SYPL2: variants seen among roughly 807,000 people sequenced by gnomAD.
SYPL2 encodes the protein synaptophysin like 2.
In SYPL2, 24 loss-of-function variants were observed where a neutral mutation model predicts 31.3. That is an observed-to-expected ratio of 0.77 (90% confidence interval 0.56 to 1.08). The LOEUF is 1.08. SYPL2 is among the 50% of genes least tolerant of loss of function. The pLI, the probability that SYPL2 is intolerant of heterozygous loss-of-function variation, is 0.00. For missense variants in SYPL2, 342 were observed against 360.1 expected (o/e 0.95, Z 0.41); for synonymous variants, 144 against 143.1 (o/e 1.01, Z -0.05).
In SYPL2 at chr1:109,477,952, G is replaced by A; in HGVS notation, c.591G>A (p.Glu197=). ...CAGCCATGTCAGTGTGCCATGGAGAGGAAGCAGTGTGCAGTGCCGGGGCCA... is the reference window on the plus strand; with the variant it reads ...CAGCCATGTCAGTGTGCCATGGAGAAGAAGCAGTGTGCAGTGCCGGGGCCA... ...LTAAMSVCHG[E]EAVCSAGATP... Residue 197 remains glutamate, a synonymous_variant, in exon 5 of 6, where the codon GAG becomes GAA. Coordinates refer to ENST00000369872, the MANE Select transcript of SYPL2 (RefSeq NM_001040709.2). 1.2e-6 allele frequency: 2 copies of A among 1,614,232 alleles called. No homozygotes were observed. Among genetic ancestry groups the A allele is most frequent in the East Asian group, 2.2e-5 (1 of 44,882 alleles).
chr1:109,467,133 G>T lies in SYPL2; in HGVS notation c.129G>T (p.Trp43Cys). 1 of 1,541,394 alleles carries T rather than the reference G, an allele frequency of 6.5e-7. No homozygotes were observed. ...TGGGCTTCATCAAAGTTCTCCAGTG[G>T]GTGAGTCGCTGCCCCGGCCCCGGGC... ...EPLGFIKVLQ[W>C]LFAIFAFGSC... The change falls in exon 2 of 6, where the codon TGG becomes TGT. Residue 43 changes from tryptophan to cysteine, a missense_variant and splice_region_variant. Coordinates refer to ENST00000369872, the MANE Select transcript of SYPL2 (RefSeq NM_001040709.2).
Position 109,477,811 on chromosome 1 carries a change from C to T in SYPL2, c.457-7C>T, listed in dbSNP as rs1557861630. 6.3e-7 allele frequency: 1 copy of T among 1,594,010 alleles called. No homozygotes were observed. The highest frequency in any genetic ancestry group is 8.6e-7 in the Non-Finnish European group (1 of 1,167,764). ...GAGTGTATTTCCCATCCCTCTGCTC[C>T]TCCCAGGACTTCTGTGTGACTGTCT... is the stretch of plus-strand genomic sequence containing the variant. On this transcript the variant is annotated splice_polypyrimidine_tract_variant and splice_region_variant and intron_variant, in intron 4 of 5. Coordinates refer to ENST00000369872, the MANE Select transcript of SYPL2 (RefSeq NM_001040709.2).
chr1:109,474,646 C>T (rs905924951), intron 2 of SYPL2, among the ~76,000 whole-genome samples: 2 of 152,064 alleles, frequency 1.3e-5, no homozygotes, highest in Non-Finnish European at 2.9e-5. Flanking sequence ...TGGCCTCTCA[C>T]CTCCTTTTCT....
In SYPL2 at chr1:109,477,931, C is replaced by G. The variant is rs372991704; in HGVS notation, c.570C>G (p.Ala190=). 40 of 1,614,212 alleles carry G rather than the reference C, an allele frequency of 2.5e-5. No individual in the cohort carries two copies. The Middle Eastern group carries it at 8.2e-4, about 33-fold the overall frequency. Residue 190 remains alanine (A), a synonymous_variant, in exon 5 of 6, where the codon GCC becomes GCG. Transcript: ENST00000369872. ...CACGACCATCCAGCTTGACAGCAGC[C>G]ATGTCAGTGTGCCATGGAGAGGAAG... The part of the protein sequence containing the change: ...GATRPSSLTA[A]MSVCHGEEAV...
chr1:109,467,950 A>G (rs564684079), intron 2 of SYPL2, among the ~76,000 whole-genome samples: 5 of 152,264 alleles, frequency 3.3e-5, no homozygotes, highest in Admixed American at 3.3e-4. Flanking sequence ...TATGCTCTAA[A>G]TAGTTTGGTG....
In SYPL2 at chr1:109,480,433, C is replaced by CTT. The variant is rs1340408415; in HGVS notation, c.*885_*886insTT. On this transcript the variant is annotated 3_prime_UTR_variant, in exon 6 of 6. Coordinates refer to ENST00000369872, the MANE Select transcript of SYPL2 (RefSeq NM_001040709.2). The stretch of plus-strand genomic sequence containing the variant: ...GTGGAGTCAGGACCTGCCTCCTAAT[C>CTT]CCCTTACTTCTCTGTCCATCTCCCT... The CTT allele has an allele frequency of 1.3e-5, 2 of 152,204 alleles. No homozygotes were observed. Among genetic ancestry groups the CTT allele is most frequent in the East Asian group, 3.9e-4 (2 of 5,178 alleles). 9.4% of individuals were successfully genotyped at this position (152,204 alleles called of 1,614,324 possible).
chr1:109,477,209 C>T (rs1173179902), intron 4 of SYPL2, among the ~76,000 whole-genome samples: 1 of 152,190 alleles, frequency 6.6e-6, no homozygotes, highest in Non-Finnish European at 1.5e-5. Flanking sequence ...TGGCCCCTTA[C>T]TTGCTGTGTG....
chr1:109,470,489 A>C (rs1414274487), intron 2 of SYPL2, among the ~76,000 whole-genome samples: 1 of 152,208 alleles, frequency 6.6e-6, no homozygotes, highest in Admixed American at 6.5e-5. Context: ...ATGCAGAAGC[A>C]AGAGGAGGCG....
chr1:109,467,110 G>T lies in SYPL2; in HGVS notation c.106G>T (p.Gly36Cys). The part of the protein sequence containing the change: ...LRWRRLEEPL[G>C]FIKVLQWLFA... ...CTGGCGGCGGCTGGAGGAGCCGCTG[G>T]GCTTCATCAAAGTTCTCCAGTGGGT... Residue 36 changes from glycine (G) to cysteine (C), a missense_variant, in exon 2 of 6, where the codon GGC (glycine) becomes TGC (cysteine). Physicochemically the swap from Gly to Cys is radical, Grantham distance 159. Coordinates refer to ENST00000369872, the MANE Select transcript of SYPL2 (RefSeq NM_001040709.2). The T allele has an allele frequency of 6.5e-7, 1 of 1,544,508 alleles. No homozygotes were observed.
At chr1:109,477,033 G>A in intron 4 of SYPL2, 56 bp downstream of exon 4, 2 of 1,601,940 alleles carry the variant, frequency 1.2e-6, no homozygotes, top group East Asian at 2.2e-5. Context: ...TTGTGAGGGG[G>A]TTGAGGTCAG....
At chr1:109,468,859 T>G (rs1655738346) in intron 2 of SYPL2, among the ~76,000 whole-genome samples, 1 of 151,586 alleles carries the variant, frequency 6.6e-6, no homozygotes, top group Non-Finnish European at 1.5e-5. Context: ...TGATGCAGTC[T>G]TGGGGTCAGC....
intron 2 of SYPL2, among the ~76,000 whole-genome samples, chr1:109,469,921 T>C (rs1655774750): frequency 6.6e-6 from 1 of 151,464 alleles, no homozygotes; most frequent in South Asian, 2.1e-4. Context: ...TCGGTTTAAA[T>C]TGAGTCCCCT....
chr1:109,474,949 T>C (rs533107483), intron 2 of SYPL2, among the ~76,000 whole-genome samples: 4 of 152,350 alleles, frequency 2.6e-5, no homozygotes, highest in African/African-American at 7.2e-5. Flanking sequence ...TAGAAGGCCA[T>C]GTGCCTTTTG....
In SYPL2 at chr1:109,478,066, C is replaced by T. The variant is rs1311675599; in HGVS notation, c.648+57C>T. 1 of 1,593,836 alleles carries T rather than the reference C, an allele frequency of 6.3e-7. No individual in the cohort carries two copies. The highest frequency in any genetic ancestry group is 8.5e-7 in the Non-Finnish European group (1 of 1,170,620). Reference sequence around the variant, plus strand: ...CCAGCCCTGCTGCCCAGGCCTGTCCCAGCTAGCAGGTCCTGAAAGGAAAGA... The same window carrying T: ...CCAGCCCTGCTGCCCAGGCCTGTCCTAGCTAGCAGGTCCTGAAAGGAAAGA... On this transcript the variant is annotated intron_variant, in intron 5 of 5. Coordinates refer to ENST00000369872, the MANE Select transcript of SYPL2 (RefSeq NM_001040709.2). The surrounding 1 kb of genome is among the most constrained non-coding windows in gnomAD (Gnocchi z 4.0).
At chr1:109,475,298 C>A in intron 2 of SYPL2, 1 of 276,576 alleles carries the variant, frequency 3.6e-6, no homozygotes, top group Non-Finnish European at 6.7e-6. Flanking sequence ...CCAAGTCATG[C>A]CCAATGGAGA....
rs1655647831 is a variant in SYPL2, at chr1:109,466,712, C to T, written c.-132C>T. The T allele has an allele frequency of 1.0e-6, 1 of 973,970 alleles. No homozygotes were observed. The highest frequency in any genetic ancestry group is 2.7e-5 in the South Asian group (1 of 37,608). 60.3% of individuals were successfully genotyped at this position (973,970 alleles called of 1,614,324 possible). On this transcript the variant is annotated 5_prime_UTR_variant, in exon 1 of 6. It adds an upstream start codon to the 5' untranslated region. Coordinates refer to ENST00000369872, the MANE Select transcript of SYPL2 (RefSeq NM_001040709.2). ...GCCAGACTGGACTCCGGCCCACCGACGGCCGCTCGCGCTCCGGCCCCGCTC... is the reference window on the plus strand; with the variant it reads ...GCCAGACTGGACTCCGGCCCACCGATGGCCGCTCGCGCTCCGGCCCCGCTC...
chr1:109,474,394 G>A (rs1655933784), intron 2 of SYPL2, among the ~76,000 whole-genome samples: 1 of 149,178 alleles, frequency 6.7e-6, no homozygotes, highest in Non-Finnish European at 1.5e-5. Context: ...CTGGAGTGCA[G>A]TGGCACGATC....
chr1:109,477,779 C>T (rs142185919), intron 4 of SYPL2, 39 bp from the exon 5 acceptor site: 4 of 1,553,966 alleles, frequency 2.6e-6, no homozygotes, highest in Non-Finnish European at 3.5e-6. Flanking sequence ...AATCATGGGG[C>T]CTTTCTGAGT....
chr1:109,476,902 C>T lies in SYPL2; in HGVS notation c.381C>T (p.Phe127=). 6.2e-7 allele frequency: 1 copy of T among 1,614,246 alleles called. No individual in the cohort carries two copies. Among genetic ancestry groups the T allele is most frequent in the African/African-American group, 1.3e-5 (1 of 75,068 alleles). The stretch of plus-strand genomic sequence containing the variant: ...TGACCCTTGGCATCTTTTCCTTCTT[C>T]TATACCATGGCTGCCCTAGTTATCT... ...FFVTLGIFSF[F]YTMAALVIYL... Residue 127 remains phenylalanine, a synonymous_variant, in exon 4 of 6, where the codon TTC becomes TTT. Transcript: ENST00000369872.
Sources: gnomAD v4.1 joint callset for allele counts (sites outside exome capture counted in the v4.1 genomes callset) on GRCh38, gnomAD v4.1.1 for gene constraint, Gnocchi (gnomAD v3.1) non-coding constraint, MANE v1.5 for transcripts, NCBI Gene and HGNC (gene_info 2026-07-23, HGNC 2026-07-21) for gene names.